Variants in CLTRN observed in about 807,000 individuals in gnomAD.
The protein encoded by CLTRN is collectrin.
In CLTRN, 12 loss-of-function variants were observed where a neutral mutation model predicts 14.5. That is an observed-to-expected ratio of 0.83 (90% CI 0.53 to 1.34). The LOEUF is 1.34. CLTRN is among the 40% of genes most tolerant of loss of function. CLTRN has a pLI of 0.00. For synonymous variants in CLTRN, 58 were observed against 56.5 expected, an observed-to-expected ratio of 1.03 and a Z score of -0.12; for missense variants, 154 against 165.1, an observed-to-expected ratio of 0.93 and a Z score of 0.37.
In CLTRN at chrX:15,639,661, G is replaced by A. The variant is rs1226361186; in HGVS notation, c.413C>T (p.Pro138Leu). The A allele has an allele frequency of 3.3e-6, 4 of 1,208,954 alleles. No homozygotes were observed. The highest frequency in any genetic ancestry group is 3.4e-6 in the Non-Finnish European group (3 of 893,620). Residue 138 changes from proline (P) to leucine (L), a missense_variant, in exon 5 of 6, where the codon CCA (proline) becomes CTA (leucine). Coordinates refer to ENST00000380342, the MANE Select transcript of CLTRN (RefSeq NM_020665.6). ...TATAATAATCCAGATGGGCACAGAT[G>A]GGTCCATGGGTGGTGCAAGTGTGGA... is the stretch of plus-strand genomic sequence containing the variant. ...IPSTLAPPMD[P>L]SVPIWIIIFG...
chrX:15,672,201 G>GA (rs971497260), intron 1 of CLTRN, among the ~76,000 whole-genome samples: 14 of 110,202 alleles, frequency 1.3e-4, no homozygotes, highest in East Asian at 8.4e-4. Flanking sequence ...TCTTAAATGG[G>GA]AAAAAAAAAG....
At chrX:15,657,503 T>C (rs952232831) in intron 3 of CLTRN, among the ~76,000 whole-genome samples, 2 of 112,446 alleles carry the variant, frequency 1.8e-5, no homozygotes, top group Admixed American at 1.9e-4. Flanking sequence ...TGAAATGTGA[T>C]CATTTAAAGG....
intron 3 of CLTRN, among the ~76,000 whole-genome samples, chrX:15,658,713 TATA>T (rs2147212210): frequency 4.4e-5 from 1 of 22,698 alleles, no homozygotes; most frequent in South Asian, 2.7e-3. Context: ...AAGAAAATTA[TATA>T]TATATATATA....
chrX:15,643,119 A>G (rs1277461706), intron 4 of CLTRN, among the ~76,000 whole-genome samples: 1 of 111,396 alleles, frequency 9.0e-6, no homozygotes, highest in Non-Finnish European at 1.9e-5. Context: ...ACAAAAAAAA[A>G]CTGTTGGTGT....
chrX:15,670,925 TGTGTGTGTGTGTG>T (rs1929708675), intron 1 of CLTRN, among the ~76,000 whole-genome samples: 1 of 72,361 alleles, frequency 1.4e-5, no homozygotes, highest in Admixed American at 1.6e-4. Context: ...TGTGTGTGTG[TGTGTGTGTGTGTG>T]GTTTCTCTAA....
intron 2 of CLTRN, 90 bp from the exon 3 acceptor site, chrX:15,659,191 T>C (rs1417904710): frequency 3.4e-5 from 12 of 349,204 alleles, no homozygotes; most frequent in South Asian, 7.0e-5. Context: ...TCTCTCTCTC[T>C]CCACACACAC....
Position 15,639,389 on chromosome X carries a change from CTA to C in CLTRN, c.512+171_512+172del, listed in dbSNP as rs765681976. 9.8e-5 allele frequency among the ~76,000 whole-genome samples: 11 copies of C among 111,957 alleles called. No homozygotes were observed. In the East Asian group the frequency reaches 3.1e-3, roughly 31 times the overall value. On this transcript the variant is annotated intron_variant, in intron 5 of 5. Coordinates refer to ENST00000380342, the MANE Select transcript of CLTRN (RefSeq NM_020665.6). Reference sequence around the variant, plus strand: ...CTAGTTAAGTAAGGGACGCTGGACTCTAAAATATATCTAAAGAAAAGAGCATA... The same window carrying C: ...CTAGTTAAGTAAGGGACGCTGGACTCAAATATATCTAAAGAAAAGAGCATA...
intron 3 of CLTRN, among the ~76,000 whole-genome samples, chrX:15,648,690 A>C (rs1929147654): frequency 9.1e-6 from 1 of 110,087 alleles, no homozygotes; most frequent in Non-Finnish European, 1.9e-5. Flanking sequence ...GCACACGTGT[A>C]ATCCCAGCTA....
chrX:15,639,866 A>G lies in CLTRN; in HGVS notation c.318-110T>C. The G allele has an allele frequency of 3.9e-6, 3 of 775,587 alleles. No individual in the cohort carries two copies. In the South Asian group the frequency reaches 9.4e-5, roughly 24 times the overall value. The allele number at this position is 775,587 out of a possible 1,213,427, so 63.9% of individuals were successfully genotyped here. On this transcript the variant is annotated intron_variant, in intron 4 of 5. Coordinates refer to ENST00000380342, the MANE Select transcript of CLTRN (RefSeq NM_020665.6). ...TTATAAATATCTCTATAAACAAAGC[A>G]TCCTCCTGGCAGGAGACTTCAAGTT...
chrX:15,628,619 A>C (rs1928621300), intron 5 of CLTRN, among the ~76,000 whole-genome samples: 1 of 112,590 alleles, frequency 8.9e-6, no homozygotes. Flanking sequence ...AGTGAAAATC[A>C]AATAGAAATG....
At chrX:15,629,438 A>T (rs1928641529) in intron 5 of CLTRN, among the ~76,000 whole-genome samples, 1 of 111,416 alleles carries the variant, frequency 9.0e-6, no homozygotes. Context: ...AATTTTTTTT[A>T]AATCATCTTT....
chrX:15,633,393 T>G lies in CLTRN; in HGVS notation c.513-5266A>C, dbSNP rs186272114. On this transcript the variant is annotated intron_variant, in intron 5 of 5. Coordinates refer to ENST00000380342, the MANE Select transcript of CLTRN (RefSeq NM_020665.6). ...GTTTTTCAGATGAAGGAATTGACACTCAAATACGTAGAGTAACTTGTCTTT... is the reference window on the plus strand; with the variant it reads ...GTTTTTCAGATGAAGGAATTGACACGCAAATACGTAGAGTAACTTGTCTTT... Among the ~76,000 whole-genome samples, 198 of 112,267 alleles carry G rather than the reference T, an allele frequency of 1.8e-3. 2 individuals carry two copies. The highest frequency in any genetic ancestry group is 2.5e-3 in the Non-Finnish European group (133 of 53,220).
chrX:15,660,641 C>CA (rs766646397), intron 2 of CLTRN, among the ~76,000 whole-genome samples: 1,074 of 86,072 alleles, frequency 0.012, 11 homozygotes, highest in East Asian at 0.035. Flanking sequence ...CCATCTCTAC[C>CA]AAAAAAAAAA....
At chrX:15,670,679 T>C (rs1157515555) in intron 1 of CLTRN, among the ~76,000 whole-genome samples, 1 of 111,210 alleles carries the variant, frequency 9.0e-6, no homozygotes, top group Middle Eastern at 4.2e-3. Flanking sequence ...CCAGAGACAC[T>C]TGGCAACGTC....
chrX:15,636,089 C>T (rs1928812451), intron 5 of CLTRN, among the ~76,000 whole-genome samples: 1 of 111,919 alleles, frequency 8.9e-6, no homozygotes, highest in Non-Finnish European at 1.9e-5. Context: ...AACCCTGGTA[C>T]ACTACTGCAG....
chrX:15,644,192 G>C (rs2147201778), intron 4 of CLTRN, among the ~76,000 whole-genome samples: 1 of 112,058 alleles, frequency 8.9e-6, no homozygotes, highest in African/African-American at 3.2e-5. Flanking sequence ...ACTTTTTCCT[G>C]ATTGTCCTGC....
intron 3 of CLTRN, among the ~76,000 whole-genome samples, chrX:15,649,997 T>C (rs1444679933): frequency 9.5e-6 from 1 of 104,941 alleles, no homozygotes; most frequent in Non-Finnish European, 1.9e-5. Flanking sequence ...GGTTTCTCAA[T>C]AGCACCATTA....
intron 3 of CLTRN, among the ~76,000 whole-genome samples, chrX:15,653,976 G>A (rs1028726664): frequency 3.6e-5 from 4 of 112,589 alleles, no homozygotes; most frequent in African/African-American, 1.3e-4. Context: ...AGGTAAAAAT[G>A]TTTACTCCTT....
At chrX:15,649,892 T>C (rs147131294) in intron 3 of CLTRN, among the ~76,000 whole-genome samples, 5,472 of 107,785 alleles carry the variant, frequency 0.051, 336 homozygotes, top group African/African-American at 0.17. Context: ...AAAAGGACAT[T>C]AGTAGAAAAA....
Sources: allele counts gnomAD v4.1 joint callset (sites outside exome capture counted in the v4.1 genomes callset), GRCh38; gene constraint gnomAD v4.1.1; transcripts MANE v1.5; gene names NCBI Gene and HGNC (gene_info 2026-07-23, HGNC 2026-07-21).